RAB6B: variants seen among roughly 807,000 people sequenced by gnomAD.
RAB6B encodes the protein ras-related protein Rab-6B.
RAB6B carries 7 observed loss-of-function variants against 31.2 expected under a neutral mutation model. The observed-to-expected ratio is 0.22, with a 90% CI of 0.13 to 0.42. The LOEUF is 0.42. Ranked by LOEUF, RAB6B falls within the 10% of genes least tolerant of loss-of-function variation. The pLI is 1.00. For synonymous variants in RAB6B, 105 were observed against 104.9 expected (o/e 1.00, Z -0.01); for missense variants, 149 against 280.6 (o/e 0.53, Z 3.35).
In RAB6B at chr3:133,838,037, G is replaced by T. The variant is rs1273553211; in HGVS notation, c.495+129C>A. On this transcript the variant is annotated intron_variant, in intron 6 of 7. Transcript: ENST00000285208. ...TCTCCCCTCCCTGGGCGCATCTATGGGTGTTCTGGTTGGCTGCCCCAATCC... is the reference window on the plus strand; with the variant it reads ...TCTCCCCTCCCTGGGCGCATCTATGTGTGTTCTGGTTGGCTGCCCCAATCC... 1.9e-5 allele frequency: 18 copies of T among 934,288 alleles called. No individual in the cohort carries two copies. The East Asian group carries it at 4.1e-4, about 21-fold the overall frequency. The allele number at this position is 934,288 out of a possible 1,614,324, so 57.9% of individuals were successfully genotyped here.
intron 1 of RAB6B, among the ~76,000 whole-genome samples, chr3:133,877,658 G>A (rs995241069): frequency 1.3e-5 from 2 of 151,628 alleles, no homozygotes; most frequent in African/African-American, 2.4e-5. Context: ...ATAAAGAGCA[G>A]AAAAAACAAT....
At chr3:133,889,261 T>G (rs973844378) in intron 1 of RAB6B, among the ~76,000 whole-genome samples, 1 of 151,712 alleles carries the variant, frequency 6.6e-6, no homozygotes. Context: ...GATACAAATG[T>G]TACCACCCTT....
At chr3:133,853,709 A>G (rs1936034796) in intron 2 of RAB6B, among the ~76,000 whole-genome samples, 1 of 152,132 alleles carries the variant, frequency 6.6e-6, no homozygotes, top group Non-Finnish European at 1.5e-5. Context: ...GTGTCCTGGA[A>G]AAATGGCTTA....
chr3:133,842,283 C>T (rs1411022262), intron 2 of RAB6B, among the ~76,000 whole-genome samples: 2 of 152,260 alleles, frequency 1.3e-5, no homozygotes, highest in East Asian at 1.9e-4. Context: ...CTGTGCCACA[C>T]CTATGCCTCT....
chr3:133,838,741 TG>T (rs1225320205), intron 5 of RAB6B, among the ~76,000 whole-genome samples: 3 of 152,320 alleles, frequency 2.0e-5, no homozygotes, highest in Admixed American at 2.0e-4. Flanking sequence ...ATGAAGGGCC[TG>T]GGTACCCTTT....
At chr3:133,877,768 T>A (rs1022967147) in intron 1 of RAB6B, among the ~76,000 whole-genome samples, 2 of 148,410 alleles carry the variant, frequency 1.3e-5, no homozygotes, top group Non-Finnish European at 3.0e-5. Flanking sequence ...TAATATATAT[T>A]ATATATAACT....
intron 1 of RAB6B, among the ~76,000 whole-genome samples, chr3:133,874,978 C>A (rs1204958290): frequency 6.6e-6 from 1 of 152,138 alleles, no homozygotes; most frequent in Non-Finnish European, 1.5e-5. Flanking sequence ...CCTGTGATAA[C>A]AATACTGCTT....
At chr3:133,836,455 C>A (rs1008200765) in intron 6 of RAB6B, among the ~76,000 whole-genome samples, 5 of 132,414 alleles carry the variant, frequency 3.8e-5, no homozygotes, top group Non-Finnish European at 8.5e-5. Context: ...GATATGCTCA[C>A]ATTTAGATCC....
intron 2 of RAB6B, among the ~76,000 whole-genome samples, chr3:133,843,835 T>C (rs1935870467): frequency 6.6e-6 from 1 of 152,116 alleles, no homozygotes; most frequent in Admixed American, 6.6e-5. Flanking sequence ...GGATGAGTCA[T>C]AGTGGCCCAT....
chr3:133,880,273 T>C (rs147534933), intron 1 of RAB6B, among the ~76,000 whole-genome samples: 201 of 152,310 alleles, frequency 1.3e-3, no homozygotes, highest in African/African-American at 4.7e-3. Flanking sequence ...TAACTGCTAG[T>C]AGTGTTGATG....
intron 1 of RAB6B, among the ~76,000 whole-genome samples, chr3:133,879,660 A>T (rs915556044): frequency 6.6e-5 from 10 of 152,228 alleles, no homozygotes; most frequent in Admixed American, 6.5e-4. Context: ...CAATACCTTC[A>T]GGGTTACTTG....
intron 1 of RAB6B, chr3:133,894,250 C>G (rs1179905564): frequency 6.6e-6 from 1 of 152,324 alleles, no homozygotes; most frequent in Non-Finnish European, 1.5e-5. Context: ...TCTCCCAGAG[C>G]AGAGCTGACC....
intron 1 of RAB6B, among the ~76,000 whole-genome samples, chr3:133,871,269 C>T (rs777095046): frequency 1.2e-4 from 18 of 152,194 alleles, no homozygotes; most frequent in Non-Finnish European, 1.9e-4. Context: ...CCAGGCAATA[C>T]GGGAAGGGTC....
chr3:133,895,046 G>C (rs1168836808), intron 1 of RAB6B, among the ~76,000 whole-genome samples: 2 of 152,026 alleles, frequency 1.3e-5, no homozygotes, highest in Non-Finnish European at 2.9e-5. Flanking sequence ...GCCCGCAGCC[G>C]GTGCCGCAGT....
chr3:133,857,289 T>C (rs780201799), intron 2 of RAB6B, among the ~76,000 whole-genome samples: 6 of 152,114 alleles, frequency 3.9e-5, no homozygotes, highest in Non-Finnish European at 5.9e-5. Context: ...GTTTAGGTGA[T>C]AGACGGGCTA....
At chr3:133,846,428 C>G (rs920383179) in intron 2 of RAB6B, among the ~76,000 whole-genome samples, 5 of 152,200 alleles carry the variant, frequency 3.3e-5, no homozygotes, top group African/African-American at 1.2e-4. Flanking sequence ...GCCTGGGCAA[C>G]AGAGTGAGAC....
intron 6 of RAB6B, among the ~76,000 whole-genome samples, chr3:133,835,368 G>A (rs1935718623): frequency 6.6e-6 from 1 of 152,080 alleles, no homozygotes; most frequent in African/African-American, 2.4e-5. Flanking sequence ...TGTGGTGTGT[G>A]TGAACGTGTG....
intron 2 of RAB6B, among the ~76,000 whole-genome samples, chr3:133,854,884 T>C (rs1936052651): frequency 6.6e-6 from 1 of 152,264 alleles, no homozygotes; most frequent in African/African-American, 2.4e-5. Context: ...TACAATTTTG[T>C]TTCCACATTC....
chr3:133,830,830 T>C (rs1935645881), intron 7 of RAB6B, among the ~76,000 whole-genome samples: 3 of 152,132 alleles, frequency 2.0e-5, no homozygotes, highest in Non-Finnish European at 4.4e-5. Flanking sequence ...GGCCAGACAA[T>C]TCCTTGTTAT....
Sources: gnomAD v4.1 joint callset for allele counts (sites outside exome capture counted in the v4.1 genomes callset) on GRCh38, gnomAD v4.1.1 for gene constraint, MANE v1.5 for transcripts, NCBI Gene and HGNC (gene_info 2026-07-23, HGNC 2026-07-21) for gene names.